PCDHGA6: variants seen among roughly 807,000 people sequenced by gnomAD.
PCDHGA6 encodes the protein protocadherin gamma subfamily A, 6.
A neutral mutation model predicts 60.6 loss-of-function variants in PCDHGA6; 41 were observed. The observed-to-expected ratio is 0.68, with a 90% confidence interval of 0.53 to 0.88. The LOEUF is 0.88. PCDHGA6 is among the 40% of genes least tolerant of loss of function. The probability of loss-of-function intolerance (pLI) is 0.00; values close to 1 mark genes in which losing one functional copy is unlikely to be tolerated. For synonymous variants in PCDHGA6, 594 were observed against 524.4 expected (o/e 1.13, Z -1.81); for missense variants, 1,312 against 1,203.0 (o/e 1.09, Z -1.34).
chr5:141,494,153 G>T (rs2099752286), intron 1 of PCDHGA6, among the ~76,000 whole-genome samples: 1 of 152,186 alleles, frequency 6.6e-6, no homozygotes, highest in Non-Finnish European at 1.5e-5. Flanking sequence ...CCATTGTCTG[G>T]CACGGAGTTC....
chr5:141,377,007 T>A (rs985572001), intron 1 of PCDHGA6: 1 of 155,470 alleles, frequency 6.4e-6, no homozygotes, highest in African/African-American at 2.4e-5. Context: ...TTTTTATTGG[T>A]TGACAGGAAA....
intron 1 of PCDHGA6, chr5:141,384,947 G>A: frequency 6.2e-7 from 1 of 1,614,100 alleles, no homozygotes; most frequent in Non-Finnish European, 8.5e-7. Context: ...CCCTCCGACG[G>A]TCCTTACAAC....
rs779065098 is a variant in PCDHGA6 at position 141,491,758 on chromosome 5, C to T, written c.2425-3049C>T. 1.8e-5 allele frequency: 29 copies of T among 1,578,670 alleles called. No homozygotes were observed. Among genetic ancestry groups the T allele is most frequent in the Non-Finnish European group, 2.2e-5 (26 of 1,163,530 alleles). ...TGGGGGCGGCACTGGAGAAGCCGCC[C>T]GTCCTCATAAGGGATTGAACTTGCA... On this transcript the variant is annotated intron_variant, in intron 1 of 3. Transcript: ENST00000517434. The surrounding 1 kb of genome is among the most constrained non-coding windows in gnomAD (Gnocchi z 6.9).
chr5:141,402,897 C>T (rs1177256058), intron 1 of PCDHGA6: 6 of 1,508,528 alleles, frequency 4.0e-6, no homozygotes, highest in Admixed American at 4.7e-5. Flanking sequence ...AAGAAAGAAC[C>T]TGATGAAGCA....
At chr5:141,441,102 C>G (rs1057297804) in intron 1 of PCDHGA6, 1 of 152,148 alleles carries the variant, frequency 6.6e-6, no homozygotes, top group East Asian at 1.9e-4. Context: ...GAGAGGGACT[C>G]ATTGTCCAGT....
intron 1 of PCDHGA6, chr5:141,390,389 G>C: frequency 7.1e-7 from 1 of 1,405,538 alleles, no homozygotes; most frequent in Non-Finnish European, 9.7e-7. Context: ...AGATGTCATG[G>C]ATCATTTTAG....
chr5:141,404,142 C>CAGA (rs781433913), intron 1 of PCDHGA6: 9 of 1,612,668 alleles, frequency 5.6e-6, no homozygotes, highest in Non-Finnish European at 6.8e-6. Flanking sequence ...TTAGAAAATT[C>CAGA]AGAAGAAGAT....
At chr5:141,442,701 A>AG (rs1388473196) in intron 1 of PCDHGA6, among the ~76,000 whole-genome samples, 5 of 152,258 alleles carry the variant, frequency 3.3e-5, no homozygotes, top group Non-Finnish European at 7.3e-5. Flanking sequence ...AGACAAGAGT[A>AG]TCAGACATGC....
chr5:141,466,115 C>A (rs2099117208), intron 1 of PCDHGA6, among the ~76,000 whole-genome samples: 1 of 151,618 alleles, frequency 6.6e-6, no homozygotes, highest in African/African-American at 2.4e-5. Context: ...GAGTGAGACT[C>A]CAGCTCAAAA....
chr5:141,388,907 C>T (rs1321583045), intron 1 of PCDHGA6: 5 of 1,613,786 alleles, frequency 3.1e-6, no homozygotes, highest in African/African-American at 1.3e-5. Context: ...AAAATGACAA[C>T]GCCCCAGAAG....
intron 1 of PCDHGA6, among the ~76,000 whole-genome samples, chr5:141,381,033 C>G (rs191532708): frequency 2.0e-4 from 30 of 152,324 alleles, no homozygotes; most frequent in African/African-American, 7.2e-4. Flanking sequence ...TTCCTTTAAA[C>G]AAAATTTATC....
rs1421246315 is a variant in PCDHGA6 at position 141,491,880 on chromosome 5, G to A, written c.2425-2927G>A. The A allele has an allele frequency of 1.1e-5, 16 of 1,449,714 alleles. No homozygotes were observed. The highest frequency in any genetic ancestry group is 1.5e-5 in the Non-Finnish European group (16 of 1,096,892). 89.8% of individuals were successfully genotyped at this position (1,449,714 alleles called of 1,614,324 possible). A position where few individuals can be genotyped will look rare whatever the true frequency, so the allele number is the denominator to read the frequency against. ...GCGAAACCAGAGTGGCCGATTAAGGGATGGGGCTCCGAGCACCGGGGGTGG... is the reference window on the plus strand; with the variant it reads ...GCGAAACCAGAGTGGCCGATTAAGGAATGGGGCTCCGAGCACCGGGGGTGG... On this transcript the variant is annotated intron_variant, in intron 1 of 3. Coordinates refer to ENST00000517434, the MANE Select transcript of PCDHGA6 (RefSeq NM_018919.3). The surrounding 1 kb of genome is among the most constrained non-coding windows in gnomAD (Gnocchi z 6.9).
Position 141,375,514 on chromosome 5 carries a change from G to A in PCDHGA6, c.1431G>A (p.Leu477=), listed in dbSNP as rs1345928950. The change falls in exon 1 of 4, where the codon CTG becomes CTA. Residue 477 remains leucine (L), a synonymous_variant. Transcript: ENST00000517434. ...RGASIFSVNA[L]DPDVDQNAQV... is the part of the protein sequence containing the mutation. The stretch of plus-strand genomic sequence containing the variant: ...CCTCCATCTTCTCTGTGAATGCACT[G>A]GACCCTGACGTGGACCAGAACGCCC... 3.1e-6 allele frequency: 5 copies of A among 1,613,836 alleles called. No homozygotes were observed. In the African/African-American group the frequency reaches 4.0e-5, roughly 13 times the overall value.
chr5:141,414,161 G>A (rs960511656), intron 1 of PCDHGA6: 1 of 1,603,276 alleles, frequency 6.2e-7, no homozygotes, highest in Non-Finnish European at 8.5e-7. Flanking sequence ...GAAGATGGAG[G>A]AGCATATCTT....
At chr5:141,496,588 C>T (rs775641672) in intron 2 of PCDHGA6, among the ~76,000 whole-genome samples, 9 of 152,280 alleles carry the variant, frequency 5.9e-5, no homozygotes, top group Non-Finnish European at 1.0e-4. Context: ...GAACGCAAAG[C>T]GCTTCTTAGA....
chr5:141,412,634 A>G (rs1322492563), intron 1 of PCDHGA6: 1 of 152,256 alleles, frequency 6.6e-6, no homozygotes, highest in African/African-American at 2.4e-5. Flanking sequence ...TTAAATTATA[A>G]GACTTTTCTG....
intron 1 of PCDHGA6, chr5:141,430,556 C>A (rs1479639096): frequency 9.7e-6 from 4 of 413,394 alleles, no homozygotes; most frequent in African/African-American, 2.1e-5. Flanking sequence ...GTTCACCAAT[C>A]GGGGAGAGAA....
intron 1 of PCDHGA6, chr5:141,389,176 C>G (rs775758481): frequency 6.2e-7 from 1 of 1,614,064 alleles, no homozygotes; most frequent in South Asian, 1.1e-5. Flanking sequence ...CCTCCCCTCT[C>G]CTCCAGTTCC....
In PCDHGA6 at chr5:141,476,516, G is replaced by T. The variant is rs1042414523; in HGVS notation, c.2425-18291G>T. 1 of 1,614,016 alleles carries T rather than the reference G, an allele frequency of 6.2e-7. No individual in the cohort carries two copies. The highest frequency in any genetic ancestry group is 8.5e-7 in the Non-Finnish European group (1 of 1,180,022). ...CCAGGACATCAACGACAACAATCCT[G>T]CTTTCCCTACCCAGGAAATGAAATT... On this transcript the variant is annotated intron_variant, in intron 1 of 3. Transcript: ENST00000517434. The surrounding 1 kb of genome is among the most constrained non-coding windows in gnomAD (Gnocchi z 7.6).
Sources: gnomAD v4.1 joint callset for allele counts (sites outside exome capture counted in the v4.1 genomes callset) on GRCh38, gnomAD v4.1.1 for gene constraint, Gnocchi (gnomAD v3.1) non-coding constraint, MANE v1.5 for transcripts, NCBI Gene and HGNC (gene_info 2026-07-23, HGNC 2026-07-21) for gene names.